TNFRSF21: variants seen among roughly 807,000 people sequenced by gnomAD.
The protein encoded by TNFRSF21 is TNF receptor superfamily member 21.
In TNFRSF21, 19 loss-of-function variants were observed where a neutral mutation model predicts 45.6. That is an observed-to-expected ratio of 0.42 (90% CI 0.29 to 0.61). TNFRSF21 has a LOEUF of 0.61. Ranked by LOEUF, TNFRSF21 falls within the 20% of genes least tolerant of loss-of-function variation. The pLI is 0.23. For missense variants in TNFRSF21, 737 were observed against 851.5 expected (o/e 0.87, Z 1.67); for synonymous variants, 314 against 335.5 (o/e 0.94, Z 0.70).
At chr6:47,298,496 G>C (rs924034424) in intron 1 of TNFRSF21, among the ~76,000 whole-genome samples, 3 of 151,950 alleles carry the variant, frequency 2.0e-5, no homozygotes, top group Non-Finnish European at 2.9e-5. Flanking sequence ...GTAAGCTCCA[G>C]CACCTGCCTG....
chr6:47,300,286 T>C (rs867903717), intron 1 of TNFRSF21, among the ~76,000 whole-genome samples: 1 of 152,202 alleles, frequency 6.6e-6, no homozygotes, highest in African/African-American at 2.4e-5. Context: ...CTGCTCAATG[T>C]GGGAACCTAG....
At chr6:47,233,077 G>A in intron 5 of TNFRSF21, 83 bp from the exon 6 acceptor site, 1 of 1,259,260 alleles carries the variant, frequency 7.9e-7, no homozygotes, top group Non-Finnish European at 1.1e-6. Context: ...GGGTCCTAGA[G>A]AGAGAGACAT....
intron 4 of TNFRSF21, among the ~76,000 whole-genome samples, chr6:47,252,966 T>C (rs1420088343): frequency 6.6e-6 from 1 of 152,216 alleles, no homozygotes; most frequent in African/African-American, 2.4e-5. Context: ...CTTTTACAAA[T>C]ACCGATTCAC....
intron 1 of TNFRSF21, among the ~76,000 whole-genome samples, chr6:47,288,670 C>A (rs888244268): frequency 7.9e-5 from 12 of 152,282 alleles, no homozygotes; most frequent in Non-Finnish European, 1.8e-4. Flanking sequence ...TAGGACAAGG[C>A]AACTGGGAAC....
chr6:47,262,238 C>G (rs1765084124), intron 3 of TNFRSF21, among the ~76,000 whole-genome samples: 1 of 152,110 alleles, frequency 6.6e-6, no homozygotes, highest in Non-Finnish European at 1.5e-5. Flanking sequence ...GACAATTTTC[C>G]AAATGGAAGA....
Position 47,234,663 on chromosome 6 carries a change from C to T in TNFRSF21, c.1738+7G>A. 1 of 1,600,660 alleles carries T rather than the reference C, an allele frequency of 6.2e-7. No individual in the cohort carries two copies. Among genetic ancestry groups the T allele is most frequent in the Non-Finnish European group, 8.5e-7 (1 of 1,173,216 alleles). On this transcript the variant is annotated splice_region_variant and intron_variant, in intron 5 of 5. Coordinates refer to ENST00000296861, the MANE Select transcript of TNFRSF21 (RefSeq NM_014452.5). Reference sequence around the variant, plus strand: ...TGCGTGTGTGAGGTCTGCTGCGATGCCCGTACCTTTGGTAATAAAGGAACC... The same window carrying T: ...TGCGTGTGTGAGGTCTGCTGCGATGTCCGTACCTTTGGTAATAAAGGAACC...
chr6:47,287,653 A>G (rs1318904642), intron 1 of TNFRSF21, among the ~76,000 whole-genome samples: 1 of 152,224 alleles, frequency 6.6e-6, no homozygotes, highest in East Asian at 1.9e-4. Context: ...CAAGTCATGT[A>G]TGCTACTCTT....
At position 47,247,761 on chromosome 6, in the gene TNFRSF21, T is replaced by C. The variant is rs577396969; in HGVS notation, c.1509+5495A>G. On this transcript the variant is annotated intron_variant, in intron 4 of 5. Transcript: ENST00000296861. ...GGATCCAACACAGAGTCTACTATAG[T>C]AGAGAGAGAGAGAGTGCCTAAGTGC... Among the ~76,000 whole-genome samples the C allele has an allele frequency of 6.6e-5, 10 of 151,530 alleles. No individual in the cohort carries two copies. The East Asian group carries it at 1.2e-3, about 18-fold the overall frequency.
chr6:47,287,700 G>T (rs1294272938), intron 1 of TNFRSF21, among the ~76,000 whole-genome samples: 1 of 152,056 alleles, frequency 6.6e-6, no homozygotes, highest in Non-Finnish European at 1.5e-5. Context: ...AATATGTAAA[G>T]GACTCCTAGA....
At chr6:47,254,776 G>A (rs1350230454) in intron 3 of TNFRSF21, among the ~76,000 whole-genome samples, 4 of 152,122 alleles carry the variant, frequency 2.6e-5, no homozygotes, top group African/African-American at 9.7e-5. Flanking sequence ...GAAGACAGCA[G>A]CCAAAATGAC....
At chr6:47,261,121 C>T (rs1302348624) in intron 3 of TNFRSF21, among the ~76,000 whole-genome samples, 1 of 152,194 alleles carries the variant, frequency 6.6e-6, no homozygotes, top group Non-Finnish European at 1.5e-5. Context: ...AAAAGACATG[C>T]TCCTAACAGG....
chr6:47,242,492 T>C (rs1460118633), intron 4 of TNFRSF21, among the ~76,000 whole-genome samples: 1 of 152,182 alleles, frequency 6.6e-6, no homozygotes, highest in Non-Finnish European at 1.5e-5. Context: ...TAAGTCAAAG[T>C]GTCAATAGCC....
At position 47,255,714 on chromosome 6, in the gene TNFRSF21, T is replaced by C. The variant is rs560494020; in HGVS notation, c.1244-2193A>G. 3.7e-3 allele frequency among the ~76,000 whole-genome samples: 557 copies of C among 152,240 alleles called. 3 individuals carry two copies. Among genetic ancestry groups the C allele is most frequent in the South Asian group, 0.022 (104 of 4,826 alleles). On this transcript the variant is annotated intron_variant, in intron 3 of 5. Coordinates refer to ENST00000296861, the MANE Select transcript of TNFRSF21 (RefSeq NM_014452.5). ...CTGACCTCAGGTGATCTGCCTGCCT[T>C]GGCCTCCCAAAGTGCTGGGATTACA... is the stretch of plus-strand genomic sequence containing the variant.
At chr6:47,270,087 T>C (rs1762393598) in intron 3 of TNFRSF21, among the ~76,000 whole-genome samples, 1 of 152,114 alleles carries the variant, frequency 6.6e-6, no homozygotes, top group African/African-American at 2.4e-5. Context: ...TAAGAAAGTT[T>C]TTACTGGGGA....
rs899327428 is a variant in TNFRSF21, at chr6:47,231,922, G to A, written c.*843C>T. The A allele has an allele frequency of 6.6e-6, 1 of 152,668 alleles. No individual in the cohort carries two copies. The highest frequency in any genetic ancestry group is 2.4e-5 in the African/African-American group (1 of 41,466). The allele number at this position is 152,668 out of a possible 1,614,324, so 9.5% of individuals were successfully genotyped here. A position where few individuals can be genotyped will look rare whatever the true frequency, so the allele number is the denominator to read the frequency against. On this transcript the variant is annotated 3_prime_UTR_variant, in exon 6 of 6. Coordinates refer to ENST00000296861, the MANE Select transcript of TNFRSF21 (RefSeq NM_014452.5). ...TTGACTTTCCAAAGTGCAGCAATGT[G>A]TTCCAGAACAGCTCAAATCCTAAAA...
intron 1 of TNFRSF21, among the ~76,000 whole-genome samples, chr6:47,298,479 AGAGT>A (rs1347211292): frequency 6.6e-6 from 1 of 152,098 alleles, no homozygotes; most frequent in East Asian, 1.9e-4. Context: ...AAATTTAAAA[AGAGT>A]GAGTAAGCTC....
chr6:47,247,965 G>A (rs2113847834), intron 4 of TNFRSF21, among the ~76,000 whole-genome samples: 1 of 152,294 alleles, frequency 6.6e-6, no homozygotes, highest in Non-Finnish European at 1.5e-5. Context: ...TAATCTTATG[G>A]AAGGAGAGAT....
intron 3 of TNFRSF21, among the ~76,000 whole-genome samples, chr6:47,265,440 C>G (rs1343848093): frequency 6.6e-6 from 1 of 151,822 alleles, no homozygotes. Flanking sequence ...TTTCTAGCAC[C>G]GAGTAATTTA....
intron 4 of TNFRSF21, among the ~76,000 whole-genome samples, chr6:47,239,228 G>A (rs1452109699): frequency 7.0e-6 from 1 of 142,370 alleles, no homozygotes; most frequent in African/African-American, 2.6e-5. Flanking sequence ...GGAGGTTGCA[G>A]TGAGGCGAGA....
Sources: gnomAD v4.1 joint callset for allele counts (sites outside exome capture counted in the v4.1 genomes callset) on GRCh38, gnomAD v4.1.1 for gene constraint, MANE v1.5 for transcripts, NCBI Gene and HGNC (gene_info 2026-07-23, HGNC 2026-07-21) for gene names.